PAPOLG: variants seen among roughly 807,000 people sequenced by gnomAD.
The protein encoded by PAPOLG is PAP-gamma.
Under a neutral mutation model 99.0 loss-of-function variants are expected in PAPOLG, and 40 were observed. That is an observed-to-expected ratio of 0.40 (90% CI 0.31 to 0.53). PAPOLG has a LOEUF of 0.53. Ranked by LOEUF, PAPOLG falls within the 20% of genes least tolerant of loss-of-function variation. PAPOLG has a pLI of 0.41. For synonymous variants in PAPOLG, 310 were observed against 299.3 expected (o/e 1.04, Z -0.37); for missense variants, 675 against 884.1 (o/e 0.76, Z 3.00).
At position 60,782,644 on chromosome 2, in the gene PAPOLG, A is replaced by ATTC. The variant is rs761245210; in HGVS notation, c.1028-33_1028-31dup. On this transcript the variant is annotated intron_variant, in intron 11 of 21. Transcript: ENST00000238714. ...TAAGAGCTGGTCCCTTTTCAAAATCATTCTTCTTCTTTTTTTTTTTTTTTT... is the reference window on the plus strand; with the variant it reads ...TAAGAGCTGGTCCCTTTTCAAAATCATTCTTCTTCTTCTTTTTTTTTTTTTTTT... The ATTC allele has an allele frequency of 8.7e-6, 12 of 1,372,220 alleles. No individual in the cohort carries two copies. In the South Asian group the frequency reaches 1.1e-4, roughly 13 times the overall value. The allele number at this position is 1,372,220 out of a possible 1,614,324, so 85.0% of individuals were successfully genotyped here.
intron 13 of PAPOLG, among the ~76,000 whole-genome samples, chr2:60,783,500 CTTTTTT>C (rs761205449): frequency 4.5e-3 from 204 of 45,328 alleles, no homozygotes; most frequent in African/African-American, 0.017. Flanking sequence ...TTTACCCGGC[CTTTTTT>C]TTTTTTTTTT....
intron 10 of PAPOLG, among the ~76,000 whole-genome samples, chr2:60,781,676 A>G (rs1243389523): frequency 6.6e-6 from 1 of 152,246 alleles, no homozygotes; most frequent in East Asian, 1.9e-4. Context: ...CTGAGGAAAA[A>G]TATACTTCTG....
rs761205449 is a variant in PAPOLG at position 60,783,500 on chromosome 2, C to CTTTTTTTTTTTTTTTTTT, written c.1166+302_1166+319dup. On this transcript the variant is annotated intron_variant, in intron 13 of 21. Transcript: ENST00000238714. ...ACAGGCCTGAGCCACTTTACCCGGC[C>CTTTTTTTTTTTTTTTTTT]TTTTTTTTTTTTTTTTTTTTTTTTT... is the stretch of plus-strand genomic sequence containing the variant. Among the ~76,000 whole-genome samples the CTTTTTTTTTTTTTTTTTT allele has an allele frequency of 2.0e-4, 9 of 45,362 alleles. 1 individual carries two copies. The highest frequency in any genetic ancestry group is 4.4e-4 in the African/African-American group (5 of 11,380). 29.8% of individuals were successfully genotyped at this position (45,362 alleles called of 152,430 possible). A position where few individuals can be genotyped will look rare whatever the true frequency, so the allele number is the denominator to read the frequency against.
At chr2:60,758,834 A>G (rs1238792885) in intron 1 of PAPOLG, among the ~76,000 whole-genome samples, 1 of 152,120 alleles carries the variant, frequency 6.6e-6, no homozygotes, top group Non-Finnish European at 1.5e-5. Context: ...AACAATCTCT[A>G]TTGTATGTTA....
In PAPOLG at chr2:60,791,741, A is replaced by T; in HGVS notation, c.1397-20A>T. On this transcript the variant is annotated intron_variant, in intron 15 of 21. Transcript: ENST00000238714. ...GGTTCAGAAAGAAGTTTCCCATTTA[A>T]CATATTAACATTGTTACAGTGTACA... 6 of 1,575,474 alleles carry T rather than the reference A, an allele frequency of 3.8e-6. No homozygotes were observed. The highest frequency in any genetic ancestry group is 5.1e-6 in the Non-Finnish European group (6 of 1,166,620).
At chr2:60,772,747 C>T (rs1006211001) in intron 7 of PAPOLG, among the ~76,000 whole-genome samples, 3 of 151,780 alleles carry the variant, frequency 2.0e-5, no homozygotes, top group African/African-American at 7.3e-5. Context: ...GTCTCCGTCT[C>T]AAAAAAGAAA....
chr2:60,756,677 CCACCCCTG>C (rs1415814696), intron 1 of PAPOLG, among the ~76,000 whole-genome samples, 182 bp downstream of exon 1: 2 of 152,122 alleles, frequency 1.3e-5, no homozygotes, highest in African/African-American at 4.8e-5. Flanking sequence ...GCTCACCTGG[CCACCCCTG>C]CACGGACTCG....
chr2:60,789,524 C>G (rs1344086674), intron 15 of PAPOLG, among the ~76,000 whole-genome samples: 1 of 152,020 alleles, frequency 6.6e-6, no homozygotes, highest in East Asian at 1.9e-4. Context: ...GTGTCAACCA[C>G]CGCACCTGGC....
chr2:60,795,675 TAATTATA>T (rs1185468034), intron 21 of PAPOLG, among the ~76,000 whole-genome samples: 14 of 150,678 alleles, frequency 9.3e-5, no homozygotes, highest in Admixed American at 4.0e-4. Context: ...TATATGATGA[TAATTATA>T]AATTATAATT....
chr2:60,764,322 C>G (rs557851320), intron 3 of PAPOLG, among the ~76,000 whole-genome samples: 1 of 152,152 alleles, frequency 6.6e-6, no homozygotes, highest in South Asian at 2.1e-4. Flanking sequence ...AGAAAGCCCA[C>G]TGTTTAAAAC....
At chr2:60,765,811 T>C (rs1670660011) in intron 3 of PAPOLG, among the ~76,000 whole-genome samples, 1 of 152,200 alleles carries the variant, frequency 6.6e-6, no homozygotes, top group Non-Finnish European at 1.5e-5. Flanking sequence ...TCATTCATGT[T>C]AATCATCAAT....
chr2:60,766,441 A>T (rs1393340868), intron 3 of PAPOLG, among the ~76,000 whole-genome samples: 1 of 152,138 alleles, frequency 6.6e-6, no homozygotes, highest in Non-Finnish European at 1.5e-5. Flanking sequence ...AGACAGGAGG[A>T]TCGCTTTAAA....
intron 17 of PAPOLG, among the ~76,000 whole-genome samples, chr2:60,792,583 GT>G (rs1671574021): frequency 6.6e-6 from 1 of 152,146 alleles, no homozygotes; most frequent in South Asian, 2.1e-4. Flanking sequence ...TCAATGAAAT[GT>G]TAAAGTACAG....
Position 60,768,485 on chromosome 2 carries a change from G to A in PAPOLG, c.262G>A (p.Val88Ile). ...VSESKNLPPS[V>I]VATVGGKIFT... Reference sequence around the variant, plus strand: ...TTTATTTTAGAACCTCCCACCTTCTGTTGTGGCTACTGTTGGTGGTAAAAT... The same window carrying A: ...TTTATTTTAGAACCTCCCACCTTCTATTGTGGCTACTGTTGGTGGTAAAAT... Residue 88 changes from valine to isoleucine, a missense_variant, in exon 4 of 22, where the codon GTT becomes ATT. Val to Ile is a conservative substitution (Grantham distance 29). This residue lies in a region of PAPOLG where 149 missense variants were observed against 192.1 expected (regional missense o/e 0.78). Transcript: ENST00000238714. 6.2e-7 allele frequency: 1 copy of A among 1,613,992 alleles called. No individual in the cohort carries two copies. Among genetic ancestry groups the A allele is most frequent in the Non-Finnish European group, 8.5e-7 (1 of 1,179,908 alleles).
intron 9 of PAPOLG, 60 bp from the exon 10 acceptor site, chr2:60,780,647 A>G (rs10496089): frequency 0.72 from 1,067,247 of 1,492,286 alleles, 382,508 homozygotes; most frequent in South Asian, 0.79. Flanking sequence ...ATAATTATAA[A>G]GTTTCATGTA....
intron 2 of PAPOLG, 143 bp from the exon 3 acceptor site, chr2:60,761,598 G>C: frequency 3.2e-6 from 2 of 633,272 alleles, no homozygotes; most frequent in Non-Finnish European, 5.4e-6. Flanking sequence ...ATGGCCCTGT[G>C]TCAGTAGATG....
At chr2:60,768,024 A>G (rs1323869417) in intron 3 of PAPOLG, among the ~76,000 whole-genome samples, 1 of 152,246 alleles carries the variant, frequency 6.6e-6, no homozygotes, top group African/African-American at 2.4e-5. Flanking sequence ...AAGCACTTTT[A>G]CAAATCTAAT....
At chr2:60,772,645 G>T (rs1318515847) in intron 7 of PAPOLG, among the ~76,000 whole-genome samples, 1 of 152,064 alleles carries the variant, frequency 6.6e-6, no homozygotes, top group African/African-American at 2.4e-5. Flanking sequence ...CTACTCGGGA[G>T]GCTGAGGCAG....
At chr2:60,771,496 T>A (rs371110111) in intron 6 of PAPOLG, 23 bp from the exon 7 acceptor site, 1 of 1,564,780 alleles carries the variant, frequency 6.4e-7, no homozygotes, top group Admixed American at 2.2e-5. Context: ...AATTTTTTTC[T>A]CTTTTTTCAC....
Sources: gnomAD v4.1 joint callset for allele counts (sites outside exome capture counted in the v4.1 genomes callset) on GRCh38, gnomAD v4.1.1 for gene constraint, gnomAD v4.1.1 regional missense constraint, MANE v1.5 for transcripts, NCBI Gene and HGNC (gene_info 2026-07-23, HGNC 2026-07-21) for gene names.